The following IQGAP2 variants were observed in gnomAD, a reference collection of about 807,000 sequenced individuals.
IQGAP2 encodes the protein IQ motif containing GTPase activating protein 2.
IQGAP2 carries 173 observed loss-of-function variants against 201.3 expected under a neutral mutation model. The ratio of observed to expected loss-of-function variants is 0.86; its 90% CI spans 0.76 to 0.98. IQGAP2 has a LOEUF of 0.98. Ranked by LOEUF, IQGAP2 falls within the 50% of genes least tolerant of loss-of-function variation. IQGAP2 has a pLI of 0.00. For synonymous variants in IQGAP2, 675 were observed against 673.9 expected, an observed-to-expected ratio of 1.00 and a Z score of -0.03; for missense variants, 1,687 against 1,864.8, an observed-to-expected ratio of 0.90 and a Z score of 1.76.
intron 16 of IQGAP2, among the ~76,000 whole-genome samples, chr5:76,639,569 A>G (rs749236145): frequency 6.6e-6 from 1 of 152,220 alleles, no homozygotes; most frequent in Non-Finnish European, 1.5e-5. Flanking sequence ...GCGTCATAAT[A>G]TGTTTAAAGA....
chr5:76,594,374 A>G (rs1215257777), intron 9 of IQGAP2, among the ~76,000 whole-genome samples: 1 of 152,178 alleles, frequency 6.6e-6, no homozygotes, highest in Non-Finnish European at 1.5e-5. Context: ...GCTTTATATA[A>G]ATGTTTTAGT....
intron 17 of IQGAP2, among the ~76,000 whole-genome samples, chr5:76,647,849 A>G (rs904546439): frequency 6.6e-6 from 1 of 150,444 alleles, no homozygotes; most frequent in African/African-American, 2.5e-5. Flanking sequence ...ACACACACAC[A>G]CAAACGAAAA....
intron 11 of IQGAP2, among the ~76,000 whole-genome samples, chr5:76,604,315 T>TC (rs1196603991): frequency 6.6e-6 from 1 of 151,448 alleles, no homozygotes; most frequent in Non-Finnish European, 1.5e-5. Flanking sequence ...AACTCATCCT[T>TC]TTTTTTTATG....
In IQGAP2 at chr5:76,610,103, TATATATATATA is replaced by T. The variant is rs1489261013; in HGVS notation, c.1358-916_1358-906del. Among the ~76,000 whole-genome samples, 6 of 25,850 alleles carry T rather than the reference TATATATATATA, an allele frequency of 2.3e-4. 1 individual carries two copies. Among genetic ancestry groups the T allele is most frequent in the East Asian group, 3.5e-3 (2 of 574 alleles). The allele number at this position is 25,850 out of a possible 152,430, so 17.0% of individuals were successfully genotyped here. A position where few individuals can be genotyped will look rare whatever the true frequency, so the allele number is the denominator to read the frequency against. On this transcript the variant is annotated intron_variant, in intron 12 of 35. Coordinates refer to ENST00000274364, the MANE Select transcript of IQGAP2 (RefSeq NM_006633.5). The stretch of plus-strand genomic sequence containing the variant: ...ATATATATATATATATATATATATA[TATATATATATA>T]TTTTTTTTTTTTTTTTTTTTTTTTT...
intron 13 of IQGAP2, chr5:76,618,069 G>A (rs934208177): frequency 6.2e-7 from 1 of 1,614,018 alleles, no homozygotes; most frequent in Non-Finnish European, 8.5e-7. Flanking sequence ...CAGTCCACAT[G>A]TTACCAAGGC....
chr5:76,656,705 A>G (rs753275942), intron 20 of IQGAP2, among the ~76,000 whole-genome samples: 2 of 151,764 alleles, frequency 1.3e-5, no homozygotes, highest in Middle Eastern at 3.4e-3. Flanking sequence ...ACAAATTCCA[A>G]TTTTAAAATC....
intron 30 of IQGAP2, among the ~76,000 whole-genome samples, chr5:76,688,301 A>T (rs1745964660): frequency 6.6e-6 from 1 of 152,200 alleles, no homozygotes; most frequent in Non-Finnish European, 1.5e-5. Flanking sequence ...ACTTTCAGAA[A>T]TGCCCTTATG....
chr5:76,441,147 G>A (rs1212082291), intron 1 of IQGAP2, among the ~76,000 whole-genome samples: 3 of 152,100 alleles, frequency 2.0e-5, no homozygotes, highest in African/African-American at 4.8e-5. Context: ...CTCATTTCGT[G>A]AGCGGAAATA....
intron 28 of IQGAP2, among the ~76,000 whole-genome samples, chr5:76,679,266 T>A (rs965572767): frequency 8.4e-4 from 128 of 152,344 alleles, no homozygotes; most frequent in Admixed American, 2.4e-3. Flanking sequence ...TTTAGAAGTC[T>A]TAGAAGTCTT....
intron 28 of IQGAP2, among the ~76,000 whole-genome samples, chr5:76,682,305 G>A (rs546931829): frequency 1.3e-5 from 2 of 152,268 alleles, no homozygotes; most frequent in Non-Finnish European, 2.9e-5. Context: ...TAAAATAGTT[G>A]CTGAGAACAA....
chr5:76,404,812 C>T (rs1750707043), intron 1 of IQGAP2, among the ~76,000 whole-genome samples: 1 of 151,248 alleles, frequency 6.6e-6, no homozygotes. Flanking sequence ...TTTTGGTAAA[C>T]CACACAGACA....
chr5:76,411,815 A>G (rs1319494116), intron 1 of IQGAP2, among the ~76,000 whole-genome samples: 3 of 152,192 alleles, frequency 2.0e-5, no homozygotes, highest in Non-Finnish European at 4.4e-5. Context: ...TAAAATCTCC[A>G]CTGACTAGAG....
intron 30 of IQGAP2, 101 bp from the exon 31 acceptor site, chr5:76,693,254 G>A (rs1291154876): frequency 4.5e-6 from 3 of 666,408 alleles, no homozygotes; most frequent in African/African-American, 3.7e-5. Flanking sequence ...TATCTTTGAA[G>A]CTTCAGTATT....
chr5:76,696,853 CTATTTAA>C (rs1561604842), intron 32 of IQGAP2, among the ~76,000 whole-genome samples: 2 of 68,852 alleles, frequency 2.9e-5, no homozygotes, highest in Admixed American at 1.3e-4. Context: ...TGAAGAATTT[CTATTTAA>C]TGAAGAATTC....
In IQGAP2 at chr5:76,560,996, A is replaced by G. The variant is rs1269549772; in HGVS notation, c.147-1400A>G. On this transcript the variant is annotated intron_variant, in intron 2 of 35. Transcript: ENST00000274364. The stretch of plus-strand genomic sequence containing the variant: ...AACAGAACAATTATAACAATATACT[A>G]TGATAAAAGTTCTGTGAATGTGGAC... 2.6e-5 allele frequency among the ~76,000 whole-genome samples: 4 copies of G among 152,218 alleles called. No homozygotes were observed. In the East Asian group the frequency reaches 7.7e-4, roughly 29 times the overall value.
intron 21 of IQGAP2, among the ~76,000 whole-genome samples, chr5:76,661,225 A>G (rs564913025): frequency 1.9e-5 from 1 of 51,616 alleles, no homozygotes; most frequent in South Asian, 3.2e-4. Context: ...CATTTTTTAT[A>G]GTTCTTTTAA....
chr5:76,511,686 G>GTTTTT (rs70982618), intron 2 of IQGAP2, among the ~76,000 whole-genome samples: 5 of 141,366 alleles, frequency 3.5e-5, no homozygotes, highest in Non-Finnish European at 4.6e-5. Flanking sequence ...GTTTTGTTTT[G>GTTTTT]TTTTTTTTTT....
chr5:76,588,005 C>G (rs548789099), intron 5 of IQGAP2, among the ~76,000 whole-genome samples: 1 of 150,422 alleles, frequency 6.6e-6, no homozygotes, highest in Non-Finnish European at 1.5e-5. Context: ...AAGCTACTTA[C>G]ATTAAATGAC....
chr5:76,539,406 C>G (rs1742605386), intron 2 of IQGAP2, among the ~76,000 whole-genome samples: 1 of 152,210 alleles, frequency 6.6e-6, no homozygotes, highest in Non-Finnish European at 1.5e-5. Context: ...GACTGGATGC[C>G]AAGTTCCCCC....
Sources: allele counts gnomAD v4.1 joint callset (sites outside exome capture counted in the v4.1 genomes callset), GRCh38; gene constraint gnomAD v4.1.1; transcripts MANE v1.5; gene names NCBI Gene and HGNC (gene_info 2026-07-23, HGNC 2026-07-21).